Variants in SLC22A23 observed in about 807,000 individuals in gnomAD.
The protein encoded by SLC22A23 is solute carrier family 22 member 23, also known as ion transporter protein.
Under a neutral mutation model 61.0 loss-of-function variants are expected in SLC22A23, and 26 were observed. That is an observed-to-expected ratio of 0.43 (90% CI 0.31 to 0.59). The LOEUF (loss-of-function observed/expected upper bound fraction) is 0.59, where lower values mean the gene tolerates loss of function less well. Ranked by LOEUF, SLC22A23 falls within the 20% of genes least tolerant of loss-of-function variation. The pLI is 0.11. For missense variants in SLC22A23, 796 were observed against 934.7 expected (o/e 0.85, Z 1.94); for synonymous variants, 430 against 413.9 (o/e 1.04, Z -0.47).
At chr6:3,432,598 A>G (rs1364789362) in intron 1 of SLC22A23, among the ~76,000 whole-genome samples, 1 of 152,198 alleles carries the variant, frequency 6.6e-6, no homozygotes, top group African/African-American at 2.4e-5. Context: ...TTATCCTAAT[A>G]AAAGCACACC....
At chr6:3,311,680 C>T (rs1762374644) in intron 4 of SLC22A23, 1 of 152,194 alleles carries the variant, frequency 6.6e-6, no homozygotes, top group Non-Finnish European at 1.5e-5. Context: ...AAATGAATTC[C>T]TTGAAAATCT....
intron 9 of SLC22A23, 156 bp downstream of exon 9, chr6:3,283,696 G>A (rs1344758546): frequency 7.4e-6 from 10 of 1,352,836 alleles, no homozygotes; most frequent in Non-Finnish European, 1.0e-5. Context: ...CCTCGGGGTT[G>A]GGTCCAACAG....
At position 3,390,207 on chromosome 6, in the gene SLC22A23, G is replaced by T. The variant is rs1289439917; in HGVS notation, c.913+19981C>A. Among the ~76,000 whole-genome samples, 1 of 152,128 alleles carries T rather than the reference G, an allele frequency of 6.6e-6. No homozygotes were observed. Among genetic ancestry groups the T allele is most frequent in the East Asian group, 1.9e-4 (1 of 5,190 alleles). On this transcript the variant is annotated intron_variant, in intron 3 of 9. Transcript: ENST00000406686. The surrounding 1 kb of genome is among the most constrained non-coding windows in gnomAD (Gnocchi z 4.0). The stretch of plus-strand genomic sequence containing the variant: ...GCCTATGTTAAACTTCACATCCAAT[G>T]ACACCGAGGAGGAAAGGTACCGAAG...
chr6:3,323,465 T>C (rs1763085297), intron 4 of SLC22A23: 1 of 406,940 alleles, frequency 2.5e-6, no homozygotes, highest in South Asian at 1.9e-5. Context: ...TCCTTTAATA[T>C]CTCCAAATCC....
rs575357297 is a variant in SLC22A23, at chr6:3,309,448, C to T, written c.1083-11230G>A. On this transcript the variant is annotated intron_variant, in intron 4 of 9. Coordinates refer to ENST00000406686, the MANE Select transcript of SLC22A23 (RefSeq NM_015482.2). This position sits in a 1 kb window ranked among gnomAD's most constrained non-coding sequence, Gnocchi z 4.7. ...CCCAGGGTCTTCAGACAACTGAATC[C>T]TAGCTGAGAAAGCCCCAGGCCACTA... Among the ~76,000 whole-genome samples the T allele has an allele frequency of 6.6e-6, 1 of 152,304 alleles. No individual in the cohort carries two copies. The highest frequency in any genetic ancestry group is 2.4e-5 in the African/African-American group (1 of 41,582).
chr6:3,345,220 G>A (rs576021248), intron 3 of SLC22A23, among the ~76,000 whole-genome samples: 3 of 152,186 alleles, frequency 2.0e-5, no homozygotes, highest in East Asian at 3.9e-4. Flanking sequence ...AGGTACCGAG[G>A]TTCATTCAAA....
intron 9 of SLC22A23, among the ~76,000 whole-genome samples, chr6:3,274,917 T>C (rs2127284148): frequency 6.6e-6 from 1 of 151,286 alleles, no homozygotes; most frequent in South Asian, 2.1e-4. Context: ...CCCAAATTGA[T>C]CTATACATTC....
At chr6:3,421,352 CAG>C (rs1770120973) in intron 1 of SLC22A23, among the ~76,000 whole-genome samples, 1 of 152,158 alleles carries the variant, frequency 6.6e-6, no homozygotes, top group Non-Finnish European at 1.5e-5. Context: ...GAGACACCCA[CAG>C]AGGTCTCTAT....
intron 3 of SLC22A23, among the ~76,000 whole-genome samples, chr6:3,363,366 C>T (rs1554144677): frequency 1.3e-5 from 2 of 152,212 alleles, no homozygotes; most frequent in Admixed American, 6.5e-5. Context: ...GCCAGGCCAC[C>T]GCCAGAACAG....
intron 1 of SLC22A23, chr6:3,438,388 G>A (rs900189399): frequency 2.6e-6 from 1 of 386,030 alleles, no homozygotes; most frequent in Non-Finnish European, 5.1e-6. Flanking sequence ...GGTAGCAGAT[G>A]TTTCACTGGG....
At chr6:3,425,828 T>C (rs1295349669) in intron 1 of SLC22A23, among the ~76,000 whole-genome samples, 2 of 152,192 alleles carry the variant, frequency 1.3e-5, no homozygotes, top group Non-Finnish European at 2.9e-5. Flanking sequence ...GTCTCTTACA[T>C]AAATTATAAA....
At chr6:3,300,260 C>G (rs1341001482) in intron 4 of SLC22A23, among the ~76,000 whole-genome samples, 2 of 152,088 alleles carry the variant, frequency 1.3e-5, no homozygotes, top group African/African-American at 4.8e-5. Context: ...CCGCCTGCCT[C>G]GGCCTCCCAA....
chr6:3,415,851 T>G lies in SLC22A23; in HGVS notation c.659A>C (p.Asp220Ala). 6.5e-7 allele frequency: 1 copy of G among 1,550,012 alleles called. No homozygotes were observed. Among genetic ancestry groups the G allele is most frequent in the Non-Finnish European group, 8.7e-7 (1 of 1,145,218 alleles). Residue 220 changes from aspartate to alanine, a missense_variant, in exon 2 of 10, where the codon GAT becomes GCT. Coordinates refer to ENST00000406686, the MANE Select transcript of SLC22A23 (RefSeq NM_015482.2). ...GLVQNVVSKW[D>A]LVCDNAWKVH... ...CTTCCAGGCATTATCACACACAAGA[T>G]CCCACTAGAGAGGGGCAAATAGAAA...
intron 3 of SLC22A23, among the ~76,000 whole-genome samples, chr6:3,356,770 C>T (rs552808772): frequency 2.0e-5 from 3 of 152,224 alleles, no homozygotes; most frequent in Admixed American, 1.3e-4. Flanking sequence ...TGCAGGATCC[C>T]GCTCAAGCCC....
At chr6:3,310,565 G>A (rs1035714578) in intron 4 of SLC22A23, among the ~76,000 whole-genome samples, 7 of 152,182 alleles carry the variant, frequency 4.6e-5, no homozygotes, top group South Asian at 2.1e-4. Flanking sequence ...TCTCAAGCCC[G>A]TCTGATTTAC....
intron 3 of SLC22A23, among the ~76,000 whole-genome samples, chr6:3,396,651 G>C (rs889463592): frequency 6.6e-6 from 1 of 152,150 alleles, no homozygotes; most frequent in Non-Finnish European, 1.5e-5. Flanking sequence ...ACACACAGGC[G>C]GCTGGATGTT....
chr6:3,381,101 G>A (rs17136492), intron 3 of SLC22A23, among the ~76,000 whole-genome samples: 1,985 of 152,266 alleles, frequency 0.013, 47 homozygotes, highest in African/African-American at 0.04. Context: ...GTGTCCTTAG[G>A]GGAATGGCTG....
Position 3,360,372 on chromosome 6 carries a change from C to T in SLC22A23, c.914-36370G>A, listed in dbSNP as rs1057148402. 8.5e-5 allele frequency among the ~76,000 whole-genome samples: 13 copies of T among 152,196 alleles called. No homozygotes were observed. Among genetic ancestry groups the T allele is most frequent in the African/African-American group, 2.7e-4 (11 of 41,452 alleles). On this transcript the variant is annotated intron_variant, in intron 3 of 9. Transcript: ENST00000406686. This position sits in a 1 kb window ranked among gnomAD's most constrained non-coding sequence, Gnocchi z 4.6. ...GAGAGCTCTGACCTCAGCTGTGCCC[C>T]GCCCACCCATCCACCCAAGGATCCT...
chr6:3,424,768 A>G lies in SLC22A23; in HGVS notation c.655-8913T>C, dbSNP rs188668956. 2.6e-5 allele frequency among the ~76,000 whole-genome samples: 4 copies of G among 152,356 alleles called. No individual in the cohort carries two copies. The East Asian group carries it at 7.7e-4, about 29-fold the overall frequency. On this transcript the variant is annotated intron_variant, in intron 1 of 9. Transcript: ENST00000406686. ...CACAGCCGTGCTCCTTCATTCATAT[A>G]TTCATTTGCAGCGGATTCTGCACTA...
Sources: gnomAD v4.1 joint callset for allele counts (sites outside exome capture counted in the v4.1 genomes callset) on GRCh38, gnomAD v4.1.1 for gene constraint, Gnocchi (gnomAD v3.1) non-coding constraint, MANE v1.5 for transcripts, NCBI Gene and HGNC (gene_info 2026-07-23, HGNC 2026-07-21) for gene names.